PRF1: variants seen among roughly 807,000 people sequenced by gnomAD.
The protein encoded by PRF1 is perforin-1.
PRF1 carries 11 observed loss-of-function variants against 11.7 expected under a neutral mutation model. The observed-to-expected ratio is 0.94, with a 90% confidence interval of 0.59 to 1.56. PRF1 has a LOEUF of 1.56. Among genes scored for constraint, PRF1 ranks in the 40% most tolerant of loss-of-function variants. PRF1 has a pLI of 0.00. For missense variants in PRF1, 729 were observed against 751.0 expected (o/e 0.97, Z 0.34); for synonymous variants, 314 against 327.8 (o/e 0.96, Z 0.45).
Position 70,598,998 on chromosome 10 carries a change from G to A in PRF1, c.723C>T (p.Thr241=), listed in dbSNP as rs766047301. ...GRISALTALR[T]CELALEGLTD... is the part of the protein sequence containing the mutation. ...TGAGCCCTTCCAGGGCCAGCTCGCAGGTGCGCAGGGCAGTGAGGGCCGATA... is the reference window on the plus strand; with the variant it reads ...TGAGCCCTTCCAGGGCCAGCTCGCAAGTGCGCAGGGCAGTGAGGGCCGATA... Residue 241 remains threonine, a synonymous_variant, in exon 3 of 3, where the codon ACC becomes ACT. Transcript: ENST00000441259. 1 of 1,614,218 alleles carries A rather than the reference G, an allele frequency of 6.2e-7. No individual in the cohort carries two copies. The highest frequency in any genetic ancestry group is 8.5e-7 in the Non-Finnish European group (1 of 1,180,034).
In PRF1 at chr10:70,597,979, C is replaced by G; in HGVS notation, c.*74G>C. The stretch of plus-strand genomic sequence containing the variant: ...GGACAAGCTTGGTCTAATGGGAATA[C>G]GAAGACAGCCCTGGCTCCCACTGTG... On this transcript the variant is annotated 3_prime_UTR_variant, in exon 3 of 3. Coordinates refer to ENST00000441259, the MANE Select transcript of PRF1 (RefSeq NM_001083116.3). 1 of 1,578,374 alleles carries G rather than the reference C, an allele frequency of 6.3e-7. No homozygotes were observed. Among genetic ancestry groups the G allele is most frequent in the Non-Finnish European group, 8.6e-7 (1 of 1,163,352 alleles).
Position 70,598,502 on chromosome 10 carries a change from A to G in PRF1, c.1219T>C (p.Cys407Arg). 1 of 1,613,372 alleles carries G rather than the reference A, an allele frequency of 6.2e-7. No homozygotes were observed. Among genetic ancestry groups the G allele is most frequent in the Non-Finnish European group, 8.5e-7 (1 of 1,179,980 alleles). Residue 407 changes from cysteine (C) to arginine (R), a missense_variant, in exon 3 of 3, where the codon TGC (cysteine) becomes CGC (arginine). Transcript: ENST00000441259. ...CHGSAVTTQD[C>R]CPRQRGLAQL... ...GCCAGGCCCCTCTGCCGAGGGCAGC[A>G]GTCCTGGGTGGTGACCGCTGAGCCA...
chr10:70,599,892 C>A (rs1848193589), intron 2 of PRF1, among the ~76,000 whole-genome samples: 1 of 152,246 alleles, frequency 6.6e-6, no homozygotes, highest in Non-Finnish European at 1.5e-5. Context: ...TGCTGTCGCT[C>A]AGCAGTGTGG....
chr10:70,598,231 C>G lies in PRF1; in HGVS notation c.1490G>C (p.Cys497Ser). The change falls in exon 3 of 3, where the codon TGT (cysteine) becomes TCT (serine). Residue 497 changes from cysteine to serine, a missense_variant. By Grantham distance (112) the Cys-to-Ser change is moderately radical (BLOSUM62 -1). Transcript: ENST00000441259. ...SGRDDDLLGT[C>S]DQAPKSGSHE... ...GGAACCAGACTTGGGAGCCTGATCA[C>G]AGGTGCCAAGGAGGTCATCGTCCCT... is the stretch of plus-strand genomic sequence containing the variant. 6.2e-7 allele frequency: 1 copy of G among 1,614,224 alleles called. No individual in the cohort carries two copies. Among genetic ancestry groups the G allele is most frequent in the Non-Finnish European group, 8.5e-7 (1 of 1,180,040 alleles).
At position 70,600,506 on chromosome 10, in the gene PRF1, G is replaced by A. The variant is rs2132478121; in HGVS notation, c.397C>T (p.Leu133=). 1 of 1,614,142 alleles carries A rather than the reference G, an allele frequency of 6.2e-7. No homozygotes were observed. Among genetic ancestry groups the A allele is most frequent in the East Asian group, 2.2e-5 (1 of 44,872 alleles). Residue 133 remains leucine, a synonymous_variant, in exon 2 of 3, where the codon CTG becomes TTG. Coordinates refer to ENST00000441259, the MANE Select transcript of PRF1 (RefSeq NM_001083116.3). The surrounding 1 kb of genome is among the most constrained non-coding windows in gnomAD (Gnocchi z 4.9). ...CTGGTGGGCTTAGGAGTCACGTCCA[G>A]CCCGACCTTCCAGTCGTTGCGGATG... ...RSIRNDWKVG[L]DVTPKPTSNV...
rs769364825 is a variant in PRF1, at chr10:70,598,729, G to A, written c.992C>T (p.Ser331Leu). The A allele has an allele frequency of 1.1e-5, 17 of 1,614,232 alleles. No homozygotes were observed. The highest frequency in any genetic ancestry group is 3.3e-4 in the Middle Eastern group (2 of 6,062). The change falls in exon 3 of 3, where the codon TCG becomes TTG. Residue 331 changes from serine (S) to leucine (L), a missense_variant. Coordinates refer to ENST00000441259, the MANE Select transcript of PRF1 (RefSeq NM_001083116.3). ...GPEQYSAWVN[S>L]LPGSPGLVDY... ...CACCAGGCCAGGGCTGCCGGGCAGC[G>A]AGTTTACCCAGGCTGAGTACTGCTC...
In PRF1 at chr10:70,600,337, C is replaced by T. The variant is rs749772918; in HGVS notation, c.539+27G>A. The T allele has an allele frequency of 3.7e-6, 6 of 1,613,022 alleles. No individual in the cohort carries two copies. Among genetic ancestry groups the T allele is most frequent in the Non-Finnish European group, 5.1e-6 (6 of 1,179,492 alleles). ...CCAGAGTTTCCCGCGCCTTTTCCAGCCCCCCACCCCTAGCCCCAGCTCTCA... is the reference window on the plus strand; with the variant it reads ...CCAGAGTTTCCCGCGCCTTTTCCAGTCCCCCACCCCTAGCCCCAGCTCTCA... On this transcript the variant is annotated intron_variant, in intron 2 of 2. Transcript: ENST00000441259. The surrounding 1 kb of genome is among the most constrained non-coding windows in gnomAD (Gnocchi z 4.9).
chr10:70,598,762 G>A lies in PRF1; in HGVS notation c.959C>T (p.Ala320Val), dbSNP rs1848172780. The change falls in exon 3 of 3, where the codon GCC (alanine) becomes GTC (valine). Residue 320 changes from alanine (A) to valine (V), a missense_variant. By Grantham distance (64) the Ala-to-Val change is moderately conservative. Transcript: ENST00000441259. Reference sequence around the variant, plus strand: ...CCAGGCTGAGTACTGCTCGGGCCCGGCCTGGATCCCGAACAGCAGGTCGTT... The same window carrying A: ...CCAGGCTGAGTACTGCTCGGGCCCGACCTGGATCCCGAACAGCAGGTCGTT... The part of the protein sequence containing the change: ...SINDLLFGIQ[A>V]GPEQYSAWVN... 6.2e-7 allele frequency: 1 copy of A among 1,614,130 alleles called. No individual in the cohort carries two copies. Among genetic ancestry groups the A allele is most frequent in the Non-Finnish European group, 8.5e-7 (1 of 1,180,054 alleles).
In PRF1 at chr10:70,597,930, T is replaced by C. The variant is rs563246193; in HGVS notation, c.*123A>G. Reference sequence around the variant, plus strand: ...CGTTGGGCCGCATTCAAAGCCATCCTGGGCCGCATGCGGGCCTCGGGTTGG... The same window carrying C: ...CGTTGGGCCGCATTCAAAGCCATCCCGGGCCGCATGCGGGCCTCGGGTTGG... On this transcript the variant is annotated 3_prime_UTR_variant, in exon 3 of 3. Transcript: ENST00000441259. The C allele has an allele frequency of 4.8e-5, 62 of 1,285,842 alleles. No homozygotes were observed. In the East Asian group the frequency reaches 1.3e-3, roughly 26 times the overall value. The allele number at this position is 1,285,842 out of a possible 1,614,324, so 79.7% of individuals were successfully genotyped here.
At position 70,600,914 on chromosome 10, in the gene PRF1, G is replaced by A; in HGVS notation, c.-12C>T. On this transcript the variant is annotated 5_prime_UTR_variant, in exon 2 of 3. Coordinates refer to ENST00000441259, the MANE Select transcript of PRF1 (RefSeq NM_001083116.3). This position sits in a 1 kb window ranked among gnomAD's most constrained non-coding sequence, Gnocchi z 4.9. ...AGACGGGCTGCCATGGAGCTGCAGA[G>A]ACAGGGGGCACTTGGGCTCTGGGAA... 1 of 1,572,994 alleles carries A rather than the reference G, an allele frequency of 6.4e-7. No homozygotes were observed. The highest frequency in any genetic ancestry group is 8.6e-7 in the Non-Finnish European group (1 of 1,160,642).
At chr10:70,601,627 G>T (rs763538074) in intron 1 of PRF1, among the ~76,000 whole-genome samples, 2 of 151,752 alleles carry the variant, frequency 1.3e-5, no homozygotes, top group Non-Finnish European at 1.5e-5. Context: ...TCAGAAGTTC[G>T]AGACCAGCCT....
In PRF1 at chr10:70,600,813, C is replaced by T; in HGVS notation, c.90G>A (p.Glu30=). The T allele has an allele frequency of 1.2e-6, 2 of 1,612,458 alleles. No individual in the cohort carries two copies. The highest frequency in any genetic ancestry group is 1.7e-6 in the Non-Finnish European group (2 of 1,179,256). ...GCACGAACTTGTGGCTGCGCTTGCA[C>T]TCTGAGCGTGCGGCTGTGTGGCACG... ...PAPCHTAARS[E]CKRSHKFVPG... Residue 30 remains glutamate, a synonymous_variant, in exon 2 of 3, where the codon GAG becomes GAA. Transcript: ENST00000441259. This position sits in a 1 kb window ranked among gnomAD's most constrained non-coding sequence, Gnocchi z 4.9.
chr10:70,598,635 C>T lies in PRF1; in HGVS notation c.1086G>A (p.Arg362=), dbSNP rs1411541099. 1 of 1,613,338 alleles carries T rather than the reference C, an allele frequency of 6.2e-7. No individual in the cohort carries two copies. The highest frequency in any genetic ancestry group is 8.5e-7 in the Non-Finnish European group (1 of 1,179,944). The change falls in exon 3 of 3, where the codon AGG becomes AGA. Residue 362 remains arginine, a synonymous_variant. Transcript: ENST00000441259. Reference sequence around the variant, plus strand: ...TGTCCGTCAGGTACTGACTCAGGGCCCTCCTCAGTGCCTCCCGCCGCGGGT... The same window carrying T: ...TGTCCGTCAGGTACTGACTCAGGGCTCTCCTCAGTGCCTCCCGCCGCGGGT... ...SQDPRREALR[R]ALSQYLTDRA...
rs201235771 is a variant in PRF1, at chr10:70,598,773, G to C, written c.948C>G (p.Phe316Leu). ...ACTGCTCGGGCCCGGCCTGGATCCCGAACAGCAGGTCGTTAATGGAGGTGT... is the reference window on the plus strand; with the variant it reads ...ACTGCTCGGGCCCGGCCTGGATCCCCAACAGCAGGTCGTTAATGGAGGTGT... Reference protein sequence around the residue: ...GHHTSINDLLFGIQAGPEQYS... With the variant: ...GHHTSINDLLLGIQAGPEQYS... The change falls in exon 3 of 3, where the codon TTC becomes TTG. Residue 316 changes from phenylalanine (F) to leucine (L), a missense_variant. Transcript: ENST00000441259. 4 of 1,614,230 alleles carry C rather than the reference G, an allele frequency of 2.5e-6. No homozygotes were observed. The highest frequency in any genetic ancestry group is 3.4e-6 in the Non-Finnish European group (4 of 1,180,050).
At chr10:70,602,247 G>A (rs905617079) in intron 1 of PRF1, among the ~76,000 whole-genome samples, 2 of 152,140 alleles carry the variant, frequency 1.3e-5, no homozygotes, top group Admixed American at 6.5e-5. Context: ...GGAATTTCAG[G>A]CAGCGTGGCT....
Position 70,600,380 on chromosome 10 carries a change from C to A in PRF1, c.523G>T (p.Glu175Ter). ...DQYSFSTDTV[E>*]CRFYSFHVVH... Reference sequence around the variant, plus strand: ...AGCTCTCACCTGTAGAAGCGGCACTCCACCGTGTCAGTGCTGAAGCTGTAC... The same window carrying A: ...AGCTCTCACCTGTAGAAGCGGCACTACACCGTGTCAGTGCTGAAGCTGTAC... Residue 175 changes from glutamate (E) to a stop codon, truncating the protein, a stop_gained, in exon 2 of 3, where the codon GAG becomes TAG. Coordinates refer to ENST00000441259, the MANE Select transcript of PRF1 (RefSeq NM_001083116.3). LOFTEE classifies it low-confidence loss of function (END_TRUNC). The surrounding 1 kb of genome is among the most constrained non-coding windows in gnomAD (Gnocchi z 4.9). 1 of 1,614,148 alleles carries A rather than the reference C, an allele frequency of 6.2e-7. No homozygotes were observed. Among genetic ancestry groups the A allele is most frequent in the Non-Finnish European group, 8.5e-7 (1 of 1,180,040 alleles).
At chr10:70,599,921 T>A (rs564277715) in intron 2 of PRF1, among the ~76,000 whole-genome samples, 1 of 152,102 alleles carries the variant, frequency 6.6e-6, no homozygotes, top group South Asian at 2.1e-4. Context: ...CAGGCAGGTG[T>A]GAGTATTGGT....
chr10:70,600,347 CT>C lies in PRF1; in HGVS notation c.539+16del, dbSNP rs1320468329. ...CCGCGCCTTTTCCAGCCCCCCACCC[CT>C]AGCCCCAGCTCTCACCTGTAGAAGC... On this transcript the variant is annotated intron_variant, in intron 2 of 2. Transcript: ENST00000441259. This position sits in a 1 kb window ranked among gnomAD's most constrained non-coding sequence, Gnocchi z 4.9. 2.5e-6 allele frequency: 4 copies of C among 1,614,070 alleles called. No homozygotes were observed. The highest frequency in any genetic ancestry group is 2.2e-5 in the East Asian group (1 of 44,872).
In PRF1 at chr10:70,598,721, C is replaced by A. The variant is rs145463632; in HGVS notation, c.1000G>T (p.Gly334Cys). 6.2e-7 allele frequency: 1 copy of A among 1,614,056 alleles called. No homozygotes were observed. The highest frequency in any genetic ancestry group is 1.3e-5 in the African/African-American group (1 of 74,928). ...GTGTAGTCCACCAGGCCAGGGCTGC[C>A]GGGCAGCGAGTTTACCCAGGCTGAG... is the stretch of plus-strand genomic sequence containing the variant. ...QYSAWVNSLP[G>C]SPGLVDYTLE... Residue 334 changes from glycine to cysteine, a missense_variant, in exon 3 of 3, where the codon GGC becomes TGC. Coordinates refer to ENST00000441259, the MANE Select transcript of PRF1 (RefSeq NM_001083116.3).
Sources: allele counts gnomAD v4.1 joint callset (sites outside exome capture counted in the v4.1 genomes callset), GRCh38; gene constraint gnomAD v4.1.1; non-coding constraint Gnocchi (gnomAD v3.1); transcripts MANE v1.5; gene names NCBI Gene and HGNC (gene_info 2026-07-23, HGNC 2026-07-21).